UGT2B7: variants seen among roughly 807,000 people sequenced by gnomAD.
UGT2B7 encodes UDP-glucuronosyltransferase 2B7.
In UGT2B7, 51 loss-of-function variants were observed where a neutral mutation model predicts 51.9. The observed-to-expected ratio is 0.98, with a 90% confidence interval of 0.78 to 1.24. The LOEUF is 1.24. UGT2B7 is among the 50% of genes most tolerant of loss of function. The pLI, the probability that UGT2B7 is intolerant of heterozygous loss-of-function variation, is 0.00. For synonymous variants in UGT2B7, 225 were observed against 211.6 expected, an observed-to-expected ratio of 1.06 and a Z score of -0.55; for missense variants, 727 against 628.4, an observed-to-expected ratio of 1.16 and a Z score of -1.68.
At chr4:69,090,071 G>A (rs1035274047) in intron 2 of UGT2B7, among the ~76,000 whole-genome samples, 3 of 152,124 alleles carry the variant, frequency 2.0e-5, no homozygotes, top group Non-Finnish European at 4.4e-5. Flanking sequence ...TAGAAGCTTA[G>A]ATTCACGTAG....
At chr4:69,086,284 G>C (rs1469304609) in intron 1 of UGT2B7, among the ~76,000 whole-genome samples, 1 of 151,518 alleles carries the variant, frequency 6.6e-6, no homozygotes, top group Admixed American at 6.6e-5. Context: ...ATGTATAGTT[G>C]TACATGTTCC....
In UGT2B7 at chr4:69,058,417, A is replaced by C. The variant is rs147745313; in HGVS notation, c.-159+6815A>C. Reference sequence around the variant, plus strand: ...CAGTCAGGTCATGTTTGGGCTATGCAAATGCCTTTCTGGGAAACAAGAGGA... The same window carrying C: ...CAGTCAGGTCATGTTTGGGCTATGCCAATGCCTTTCTGGGAAACAAGAGGA... On this transcript the variant is annotated intron_variant, in intron 1 of 5. Transcript: ENST00000502942. 1.8e-3 allele frequency among the ~76,000 whole-genome samples: 268 copies of C among 152,324 alleles called. 2 individuals carry two copies. Among genetic ancestry groups the C allele is most frequent in the African/African-American group, 6.3e-3 (261 of 41,572 alleles).
At chr4:69,090,512 A>G (rs1719063248) in intron 2 of UGT2B7, among the ~76,000 whole-genome samples, 1 of 152,062 alleles carries the variant, frequency 6.6e-6, no homozygotes, top group African/African-American at 2.4e-5. Flanking sequence ...CAAAGGAGAC[A>G]TGAAAAAAAG....
chr4:69,107,888 A>ATTT (rs1719653174), intron 4 of UGT2B7, among the ~76,000 whole-genome samples: 1 of 152,120 alleles, frequency 6.6e-6, no homozygotes, highest in African/African-American at 2.4e-5. Context: ...GCCCAACTGG[A>ATTT]AATCTTGTAT....
At chr4:69,092,674 G>T (rs1009849621), upstream of UGT2B7, among the ~76,000 whole-genome samples, 5 of 151,688 alleles carry the variant, frequency 3.3e-5, no homozygotes, top group African/African-American at 1.2e-4. Context: ...TTTCATTTTT[G>T]GTAATCATTT....
intron 1 of UGT2B7, among the ~76,000 whole-genome samples, chr4:69,088,850 C>T (rs557789319): frequency 6.6e-6 from 1 of 152,188 alleles, no homozygotes. Flanking sequence ...ATTCACAGAT[C>T]CATGAAGAAA....
intron 2 of UGT2B7, chr4:69,089,666 A>G (rs1719041777): frequency 6.6e-6 from 1 of 152,228 alleles, no homozygotes; most frequent in Non-Finnish European, 1.5e-5. Flanking sequence ...GTGGCTTTCC[A>G]TTTGGAACTT....
intron 1 of UGT2B7, among the ~76,000 whole-genome samples, chr4:69,056,015 G>A (rs1042797486): frequency 1.3e-5 from 2 of 151,994 alleles, no homozygotes; most frequent in Admixed American, 6.6e-5. Context: ...TCCCCACCAG[G>A]TTATACTAGA....
intron 3 of UGT2B7, among the ~76,000 whole-genome samples, chr4:69,105,951 A>C (rs1719583122): frequency 6.6e-6 from 1 of 152,182 alleles, no homozygotes; most frequent in African/African-American, 2.4e-5. Flanking sequence ...AAATTTGGAA[A>C]ATGAAAACTA....
At chr4:69,064,108 A>AGAGAG (rs1560499796) in intron 1 of UGT2B7, among the ~76,000 whole-genome samples, 67 of 94,284 alleles carry the variant, frequency 7.1e-4, no homozygotes, top group Middle Eastern at 5.5e-3. Flanking sequence ...GAAAGAAAGA[A>AGAGAG]AGAAAAAGAA....
chr4:69,086,036 C>T (rs545726631), intron 1 of UGT2B7, among the ~76,000 whole-genome samples: 1 of 151,576 alleles, frequency 6.6e-6, no homozygotes, highest in South Asian at 2.1e-4. Context: ...TATCCCTTTT[C>T]TACTATTTTT....
chr4:69,086,265 A>G (rs1020184403), intron 1 of UGT2B7, among the ~76,000 whole-genome samples: 7 of 151,702 alleles, frequency 4.6e-5, no homozygotes, highest in African/African-American at 1.7e-4. Context: ...TTATGAGCAC[A>G]TTTAATTTAT....
chr4:69,079,137 C>T (rs1450635963), intron 1 of UGT2B7, among the ~76,000 whole-genome samples: 6 of 152,072 alleles, frequency 3.9e-5, no homozygotes, highest in South Asian at 2.1e-4. Context: ...CTCTAGCAAG[C>T]GTTGCCCATC....
intron 1 of UGT2B7, among the ~76,000 whole-genome samples, chr4:69,088,737 A>T (rs1451569102): frequency 1.3e-5 from 2 of 152,082 alleles, no homozygotes; most frequent in African/African-American, 2.4e-5. Flanking sequence ...TGTGATTAGT[A>T]CTTCCACTCT....
chr4:69,067,141 T>C (rs1718498215), intron 1 of UGT2B7, among the ~76,000 whole-genome samples: 2 of 152,192 alleles, frequency 1.3e-5, no homozygotes, highest in Admixed American at 6.6e-5. Flanking sequence ...CAGTGTTCTC[T>C]ATTTGTCCAC....
intron 3 of UGT2B7, among the ~76,000 whole-genome samples, chr4:69,104,456 A>C (rs897960027): frequency 5.6e-4 from 86 of 152,276 alleles, no homozygotes; most frequent in African/African-American, 1.9e-3. Flanking sequence ...TTTAAAAATA[A>C]ACTTTATGGA....
intron 4 of UGT2B7, 117 bp downstream of exon 4, chr4:69,107,379 T>A: frequency 8.4e-7 from 1 of 1,189,694 alleles, no homozygotes; most frequent in South Asian, 1.6e-5. Flanking sequence ...ATGTAACTTC[T>A]TTATATTGAT....
chr4:69,106,837 T>G (rs1043798914), intron 3 of UGT2B7, among the ~76,000 whole-genome samples: 1 of 151,262 alleles, frequency 6.6e-6, no homozygotes, highest in East Asian at 1.9e-4. Context: ...TTTGCATTTC[T>G]CTAATGATGT....
chr4:69,108,343 C>T (rs1577927926), intron 5 of UGT2B7, 21 bp downstream of exon 5: 1 of 1,610,622 alleles, frequency 6.2e-7, no homozygotes, highest in East Asian at 2.2e-5. Flanking sequence ...CAATATTTTT[C>T]ACTAGGTGGT....
Sources: allele counts gnomAD v4.1 joint callset (sites outside exome capture counted in the v4.1 genomes callset), GRCh38; gene constraint gnomAD v4.1.1; transcripts MANE v1.5; gene names NCBI Gene and HGNC (gene_info 2026-07-23, HGNC 2026-07-21).